Variants in P4HA3 observed in about 807,000 individuals in gnomAD.
P4HA3 encodes the protein prolyl 4-hydroxylase subunit alpha-3.
Under a neutral mutation model 66.7 loss-of-function variants are expected in P4HA3, and 60 were observed. That is an observed-to-expected ratio of 0.90 (90% confidence interval 0.73 to 1.12). The LOEUF (loss-of-function observed/expected upper bound fraction) is 1.12. Among genes scored for constraint, P4HA3 ranks in the 50% most tolerant of loss-of-function variants. P4HA3 has a pLI of 0.00. For synonymous variants in P4HA3, 263 were observed against 274.6 expected, an observed-to-expected ratio of 0.96 and a Z score of 0.42; for missense variants, 683 against 685.8, an observed-to-expected ratio of 1.00 and a Z score of 0.05.
chr11:74,308,240 C>T (rs1390938528), intron 1 of P4HA3, among the ~76,000 whole-genome samples: 10 of 151,984 alleles, frequency 6.6e-5, no homozygotes, highest in South Asian at 2.1e-4. Flanking sequence ...AGGCTGGGCA[C>T]GGTAGCTCAT....
rs117301559 is a variant in P4HA3 at position 74,273,027 on chromosome 11, T to C, written c.1398+518A>G. ...CATGGAGATTTTACTGAAGATTTTATAGAGAGATAAGGAAGAGAATTTTCA... is the reference window on the plus strand; with the variant it reads ...CATGGAGATTTTACTGAAGATTTTACAGAGAGATAAGGAAGAGAATTTTCA... On this transcript the variant is annotated intron_variant, in intron 10 of 12. Coordinates refer to ENST00000331597, the MANE Select transcript of P4HA3 (RefSeq NM_182904.5). Among the ~76,000 whole-genome samples the C allele has an allele frequency of 5.6e-3, 858 of 152,290 alleles. 2 individuals are homozygous for C. Among genetic ancestry groups the C allele is most frequent in the Middle Eastern group, 0.01 (3 of 294 alleles).
intron 12 of P4HA3, 86 bp from the exon 13 acceptor site, chr11:74,267,404 C>T: frequency 1.1e-5 from 16 of 1,492,918 alleles, no homozygotes; most frequent in East Asian, 9.1e-5. Context: ...CTCATAGGCG[C>T]GTGTGAGTGC....
intron 1 of P4HA3, among the ~76,000 whole-genome samples, chr11:74,309,183 T>A (rs1294521332): frequency 6.6e-6 from 1 of 152,256 alleles, no homozygotes; most frequent in Non-Finnish European, 1.5e-5. Context: ...ATTAGATTTA[T>A]TAATACAATC....
intron 11 of P4HA3, 25 bp from the exon 12 acceptor site, chr11:74,268,266 G>C (rs780280519): frequency 6.3e-7 from 1 of 1,597,606 alleles, no homozygotes. Flanking sequence ...CCCAGCCCCA[G>C]GGAGGGTCAG....
chr11:74,303,588 T>TG (rs1257627658), intron 2 of P4HA3, among the ~76,000 whole-genome samples: 1 of 150,886 alleles, frequency 6.6e-6, no homozygotes, highest in African/African-American at 2.4e-5. Context: ...GTCAACACTT[T>TG]TTTTTTTTTT....
At chr11:74,257,587 C>T (rs1432657304) in intron 15 of P4HA3, among the ~76,000 whole-genome samples, 1 of 152,042 alleles carries the variant, frequency 6.6e-6, no homozygotes, top group Non-Finnish European at 1.5e-5. Flanking sequence ...GGAGAAGAGC[C>T]AGGAGAGAAG....
At chr11:74,257,471 T>G (rs1041988827) in intron 15 of P4HA3, among the ~76,000 whole-genome samples, 7 of 150,862 alleles carry the variant, frequency 4.6e-5, no homozygotes, top group Non-Finnish European at 8.8e-5. Flanking sequence ...AAAGTGGAGG[T>G]GGAGGAGGAA....
chr11:74,304,163 C>T (rs975134516), intron 2 of P4HA3, 107 bp downstream of exon 2: 34 of 1,394,814 alleles, frequency 2.4e-5, no homozygotes, highest in Middle Eastern at 2.6e-4. Flanking sequence ...GTAATACCCA[C>T]CTACTCCATT....
At position 74,289,098 on chromosome 11, in the gene P4HA3, A is replaced by G. The variant is rs781147724; in HGVS notation, c.750T>C (p.Ser250=). 6.3e-7 allele frequency: 1 copy of G among 1,585,460 alleles called. No homozygotes were observed. Among genetic ancestry groups the G allele is most frequent in the African/African-American group, 1.4e-5 (1 of 73,110 alleles). ...ACGTACTGTAGAGAAGAAACTCCCGAGAGAGGCTGAGGGCACACGAAACAT... is the reference window on the plus strand; with the variant it reads ...ACGTACTGTAGAGAAGAAACTCCCGGGAGAGGCTGAGGGCACACGAAACAT... ...AGNVSCALSL[S]REFLLYSPDN... The change falls in exon 5 of 13, where the codon TCT becomes TCC. Residue 250 remains serine, a synonymous_variant. Transcript: ENST00000331597.
intron 15 of P4HA3, chr11:74,251,757 C>G: frequency 6.2e-7 from 1 of 1,606,136 alleles, no homozygotes; most frequent in African/African-American, 1.3e-5. Context: ...CAGTGCTGGC[C>G]GAATCTGACA....
chr11:74,307,804 A>G (rs1368053672), intron 1 of P4HA3, among the ~76,000 whole-genome samples: 2 of 152,208 alleles, frequency 1.3e-5, no homozygotes, highest in Non-Finnish European at 2.9e-5. Flanking sequence ...CAACCACAAT[A>G]CATGGGCTAT....
chr11:74,253,458 A>G (rs371888354), intron 15 of P4HA3: 229 of 1,591,704 alleles, frequency 1.4e-4, no homozygotes, highest in Non-Finnish European at 1.9e-4. Context: ...TGATAGTTAC[A>G]TTTGTTTTTC....
chr11:74,266,790 C>T lies in P4HA3; in HGVS notation c.*458G>A. ...GATATGCTTCTGGGAGGGGGACACT[C>T]CCTGCTTGGGCTGCAGCAGAAGGCA... On this transcript the variant is annotated 3_prime_UTR_variant, in exon 13 of 13. Coordinates refer to ENST00000331597, the MANE Select transcript of P4HA3 (RefSeq NM_182904.5). The T allele has an allele frequency of 4.2e-6, 2 of 471,814 alleles. No homozygotes were observed. The highest frequency in any genetic ancestry group is 7.5e-6 in the Non-Finnish European group (2 of 267,766). 29.2% of individuals were successfully genotyped at this position (471,814 alleles called of 1,614,324 possible).
chr11:74,310,553 G>C (rs1861705378), intron 1 of P4HA3, among the ~76,000 whole-genome samples: 1 of 152,228 alleles, frequency 6.6e-6, no homozygotes, highest in Non-Finnish European at 1.5e-5. Context: ...GTAGACGGCA[G>C]TGGACATCTC....
chr11:74,297,838 G>A (rs1159758899), intron 4 of P4HA3, among the ~76,000 whole-genome samples: 1 of 152,216 alleles, frequency 6.6e-6, no homozygotes, highest in African/African-American at 2.4e-5. Flanking sequence ...GTTGCTGAGA[G>A]CACAAAAGAG....
In P4HA3 at chr11:74,286,428, T is replaced by C. The variant is rs369212783; in HGVS notation, c.770-37A>G. ...CAGAGCAGGGAATATAAAATAGGGA[T>C]TAACAAATACTGGCCCCAGGGAGTG... On this transcript the variant is annotated intron_variant, in intron 5 of 12. Transcript: ENST00000331597. The C allele has an allele frequency of 6.6e-5, 99 of 1,492,764 alleles. 1 individual carries two copies. The African/African-American group carries it at 1.2e-3, about 18-fold the overall frequency. The allele number at this position is 1,492,764 out of a possible 1,614,324, so 92.5% of individuals were successfully genotyped here.
intron 2 of P4HA3, among the ~76,000 whole-genome samples, chr11:74,303,882 C>G (rs140290710): frequency 6.6e-6 from 1 of 151,984 alleles, no homozygotes; most frequent in Non-Finnish European, 1.5e-5. Context: ...CGCGCCTGGC[C>G]GTCAACAAAC....
chr11:74,278,447 A>C (rs1275048393), intron 8 of P4HA3, among the ~76,000 whole-genome samples: 8 of 152,224 alleles, frequency 5.3e-5, no homozygotes, highest in Admixed American at 5.2e-4. Flanking sequence ...TTTGGCAATT[A>C]GAAGTTCCCT....
intron 2 of P4HA3, among the ~76,000 whole-genome samples, chr11:74,302,880 C>T (rs1167651988): frequency 6.6e-6 from 1 of 152,110 alleles, no homozygotes; most frequent in Non-Finnish European, 1.5e-5. Context: ...GGAGACAACT[C>T]TTCTTTTTCT....
Sources: gnomAD v4.1 joint callset for allele counts (sites outside exome capture counted in the v4.1 genomes callset) on GRCh38, gnomAD v4.1.1 for gene constraint, MANE v1.5 for transcripts, NCBI Gene and HGNC (gene_info 2026-07-23, HGNC 2026-07-21) for gene names.